LRRTM3: variants seen among roughly 807,000 people sequenced by gnomAD.
LRRTM3 encodes leucine-rich repeat transmembrane neuronal protein 3.
Under a neutral mutation model 44.7 loss-of-function variants are expected in LRRTM3, and 24 were observed. The observed-to-expected ratio is 0.54, with a 90% confidence interval of 0.39 to 0.76. The LOEUF is 0.76. LRRTM3 is among the 30% of genes least tolerant of loss of function. The pLI is 0.00. For missense variants in LRRTM3, 587 were observed against 702.2 expected (o/e 0.84, Z 1.85); for synonymous variants, 277 against 278.7 (o/e 0.99, Z 0.06).
intron 2 of LRRTM3, among the ~76,000 whole-genome samples, chr10:67,065,127 G>C (rs1032325565): frequency 3.9e-5 from 6 of 152,112 alleles, no homozygotes; most frequent in South Asian, 2.1e-4. Context: ...GAAATTCAAG[G>C]CACCATGGTT....
chr10:67,085,037 A>T (rs1857224740), intron 2 of LRRTM3, among the ~76,000 whole-genome samples: 1 of 151,962 alleles, frequency 6.6e-6, no homozygotes, highest in Non-Finnish European at 1.5e-5. Flanking sequence ...CTTAACCTTG[A>T]GCTTCAAATT....
In LRRTM3 at chr10:67,089,887, G is replaced by A. The variant is rs145210160; in HGVS notation, c.1537-7700G>A. On this transcript the variant is annotated intron_variant, in intron 2 of 2. Coordinates refer to ENST00000361320, the MANE Select transcript of LRRTM3 (RefSeq NM_178011.5). ...AGAGCAGAAATTGTGTCTTCATCAT[G>A]TTTGTTCTCCATTTCCCAGTCCTGT... Among the ~76,000 whole-genome samples the A allele has an allele frequency of 8.0e-3, 1,221 of 151,938 alleles. 6 individuals are homozygous for A. Among genetic ancestry groups the A allele is most frequent in the Middle Eastern group, 0.02 (6 of 294 alleles).
intron 2 of LRRTM3, among the ~76,000 whole-genome samples, chr10:67,095,055 T>C (rs955106371): frequency 3.0e-5 from 3 of 100,020 alleles, no homozygotes; most frequent in African/African-American, 1.9e-4. Flanking sequence ...ATTATATATG[T>C]ATCTGTATGT....
rs1280666710 is a variant in LRRTM3 at position 67,018,489 on chromosome 10, C to T, written c.1537-79098C>T. 2.0e-5 allele frequency among the ~76,000 whole-genome samples: 3 copies of T among 152,188 alleles called. No individual in the cohort carries two copies. The East Asian group carries it at 5.8e-4, about 29-fold the overall frequency. On this transcript the variant is annotated intron_variant, in intron 2 of 2. Coordinates refer to ENST00000361320, the MANE Select transcript of LRRTM3 (RefSeq NM_178011.5). Reference sequence around the variant, plus strand: ...AAATTACATAAAAAATCTAGTACAACTGTTATAAACATGTTTGGGAACAAA... The same window carrying T: ...AAATTACATAAAAAATCTAGTACAATTGTTATAAACATGTTTGGGAACAAA...
intron 2 of LRRTM3, among the ~76,000 whole-genome samples, chr10:66,996,055 A>G (rs1487623854): frequency 6.6e-6 from 1 of 152,152 alleles, no homozygotes; most frequent in Non-Finnish European, 1.5e-5. Context: ...ACTTATTTAC[A>G]TATTTTGTAA....
intron 2 of LRRTM3, among the ~76,000 whole-genome samples, chr10:66,995,729 T>C (rs1851291263): frequency 6.6e-6 from 1 of 152,202 alleles, no homozygotes; most frequent in Non-Finnish European, 1.5e-5. Context: ...CTGCTCCTTC[T>C]GCTTAAAAGA....
At chr10:66,990,079 T>C (rs1416543781) in intron 2 of LRRTM3, among the ~76,000 whole-genome samples, 2 of 152,218 alleles carry the variant, frequency 1.3e-5, no homozygotes, top group Non-Finnish European at 2.9e-5. Flanking sequence ...TGAGATGGGT[T>C]GGAGAAGTCT....
chr10:67,080,834 G>C (rs189205530), intron 2 of LRRTM3, among the ~76,000 whole-genome samples: 2,351 of 151,960 alleles, frequency 0.015, 59 homozygotes, highest in African/African-American at 0.054. Flanking sequence ...GCGTGAACCC[G>C]GGAGGCAGAG....
intron 2 of LRRTM3, among the ~76,000 whole-genome samples, chr10:66,982,721 G>C (rs1195815145): frequency 6.6e-6 from 1 of 152,116 alleles, no homozygotes; most frequent in Non-Finnish European, 1.5e-5. Context: ...TAAGTAATAA[G>C]ACAAGGAAGA....
chr10:67,011,294 T>C (rs1852317513), intron 2 of LRRTM3, among the ~76,000 whole-genome samples: 1 of 148,334 alleles, frequency 6.7e-6, no homozygotes, highest in Non-Finnish European at 1.5e-5. Flanking sequence ...TGAGCCAAGA[T>C]CATGCCACTG....
chr10:66,947,249 T>G (rs760265051), intron 2 of LRRTM3, among the ~76,000 whole-genome samples: 1 of 152,204 alleles, frequency 6.6e-6, no homozygotes, highest in Non-Finnish European at 1.5e-5. Context: ...AATTACTCTC[T>G]GATTACTCTC....
chr10:67,059,827 A>G (rs1036729364), intron 2 of LRRTM3, among the ~76,000 whole-genome samples: 6 of 152,196 alleles, frequency 3.9e-5, no homozygotes, highest in African/African-American at 9.6e-5. Flanking sequence ...GTATATTTGC[A>G]TATATAATAG....
intron 2 of LRRTM3, among the ~76,000 whole-genome samples, chr10:67,068,273 T>C (rs1445071785): frequency 1.3e-5 from 2 of 152,106 alleles, no homozygotes; most frequent in African/African-American, 4.8e-5. Flanking sequence ...GAGTCCAAAA[T>C]AGCTCCAAGG....
intron 2 of LRRTM3, among the ~76,000 whole-genome samples, chr10:67,039,107 A>G (rs1854243830): frequency 6.6e-6 from 1 of 152,058 alleles, no homozygotes; most frequent in Non-Finnish European, 1.5e-5. Flanking sequence ...GCTCTATAAT[A>G]ATACATGAAC....
chr10:67,006,692 G>T (rs1292510270), intron 2 of LRRTM3, among the ~76,000 whole-genome samples: 1 of 152,080 alleles, frequency 6.6e-6, no homozygotes, highest in Non-Finnish European at 1.5e-5. Context: ...CACACTATAA[G>T]ATGTAAACAT....
intron 2 of LRRTM3, among the ~76,000 whole-genome samples, chr10:66,937,898 T>TC (rs988152037): frequency 1.9e-4 from 29 of 151,844 alleles, no homozygotes; most frequent in African/African-American, 6.5e-4. Flanking sequence ...CTGTTTTTTT[T>TC]CCCCCTCTCC....
chr10:67,028,982 T>C (rs540900286), intron 2 of LRRTM3, among the ~76,000 whole-genome samples: 2 of 152,286 alleles, frequency 1.3e-5, no homozygotes, highest in East Asian at 3.9e-4. Flanking sequence ...TCAACAGCAA[T>C]CATATCGCAA....
intron 2 of LRRTM3, among the ~76,000 whole-genome samples, chr10:66,966,485 ATT>A (rs35922630): frequency 2.7e-5 from 4 of 150,684 alleles, no homozygotes; most frequent in African/African-American, 4.9e-5. Flanking sequence ...TATGTAATAT[ATT>A]TTTTTTTTCA....
intron 2 of LRRTM3, among the ~76,000 whole-genome samples, chr10:66,932,561 T>C (rs976501234): frequency 1.3e-5 from 2 of 152,180 alleles, no homozygotes; most frequent in East Asian, 3.9e-4. Context: ...CTACCTACAC[T>C]AAAAATCAGA....
Sources: gnomAD v4.1 joint callset for allele counts (sites outside exome capture counted in the v4.1 genomes callset) on GRCh38, gnomAD v4.1.1 for gene constraint, MANE v1.5 for transcripts, NCBI Gene and HGNC (gene_info 2026-07-23, HGNC 2026-07-21) for gene names.